The following PXDNL variants were observed in gnomAD, a reference collection of about 807,000 sequenced individuals.
PXDNL encodes the protein probable oxidoreductase PXDNL.
PXDNL carries 145 observed loss-of-function variants against 150.8 expected under a neutral mutation model. The ratio of observed to expected loss-of-function variants is 0.96; its 90% CI spans 0.84 to 1.10. PXDNL has a LOEUF of 1.10. Ranked by LOEUF, PXDNL falls within the 50% of genes least tolerant of loss-of-function variation. The pLI is 0.00. For synonymous variants in PXDNL, 757 were observed against 725.7 expected, an observed-to-expected ratio of 1.04 and a Z score of -0.69; for missense variants, 2,087 against 1,873.9, an observed-to-expected ratio of 1.11 and a Z score of -2.10.
chr8:51,808,001 G>A (rs73590498), intron 1 of PXDNL, among the ~76,000 whole-genome samples: 2,162 of 152,164 alleles, frequency 0.014, 53 homozygotes, highest in African/African-American at 0.049. Context: ...ACAGTAAGAC[G>A]TATTTTGATA....
intron 3 of PXDNL, among the ~76,000 whole-genome samples, chr8:51,579,485 A>G (rs1426809873): frequency 2.0e-5 from 3 of 152,058 alleles, no homozygotes; most frequent in African/African-American, 7.2e-5. Flanking sequence ...TGGATCACAT[A>G]CTGGTGAGAA....
At chr8:51,750,306 C>A (rs1167686903) in intron 1 of PXDNL, among the ~76,000 whole-genome samples, 1 of 152,082 alleles carries the variant, frequency 6.6e-6, no homozygotes, top group Non-Finnish European at 1.5e-5. Context: ...ACATCATATC[C>A]CACTGGAAGG....
At chr8:51,514,042 C>T (rs1811481125) in intron 4 of PXDNL, among the ~76,000 whole-genome samples, 1 of 152,188 alleles carries the variant, frequency 6.6e-6, no homozygotes, top group Non-Finnish European at 1.5e-5. Flanking sequence ...TAGAGGAGGA[C>T]ATTCTGCCAT....
chr8:51,594,568 A>C (rs1313212252), intron 2 of PXDNL, among the ~76,000 whole-genome samples: 2 of 152,230 alleles, frequency 1.3e-5, no homozygotes, highest in African/African-American at 2.4e-5. Context: ...ATTACACTGA[A>C]ATTATGATGT....
intron 1 of PXDNL, among the ~76,000 whole-genome samples, chr8:51,757,899 G>A (rs1394199590): frequency 1.3e-5 from 2 of 151,330 alleles, no homozygotes; most frequent in Admixed American, 6.6e-5. Context: ...CTTATTCTAA[G>A]TGATCTAAAG....
chr8:51,386,335 C>T (rs1029441997), intron 17 of PXDNL, among the ~76,000 whole-genome samples: 3 of 152,090 alleles, frequency 2.0e-5, no homozygotes, highest in Non-Finnish European at 4.4e-5. Flanking sequence ...TCGTGATCCG[C>T]CTGCCTCGGC....
intron 2 of PXDNL, among the ~76,000 whole-genome samples, chr8:51,600,417 C>A (rs866205576): frequency 8.9e-6 from 1 of 112,582 alleles, no homozygotes; most frequent in East Asian, 2.5e-4. Context: ...TAAATTATAT[C>A]GTTTAGATAA....
At chr8:51,662,869 A>G (rs1815304866) in intron 1 of PXDNL, among the ~76,000 whole-genome samples, 1 of 152,218 alleles carries the variant, frequency 6.6e-6, no homozygotes. Context: ...AAACATAAAA[A>G]CTAAGGGGTG....
intron 17 of PXDNL, among the ~76,000 whole-genome samples, chr8:51,405,071 G>A (rs1441502691): frequency 3.3e-5 from 5 of 152,138 alleles, no homozygotes; most frequent in African/African-American, 1.2e-4. Flanking sequence ...TCACTGCCTG[G>A]GGCCGGCAGC....
At chr8:51,356,680 T>G (rs889467166) in intron 19 of PXDNL, among the ~76,000 whole-genome samples, 1 of 152,200 alleles carries the variant, frequency 6.6e-6, no homozygotes, top group African/African-American at 2.4e-5. Context: ...TTTCTCGTTA[T>G]AGTCATTCAT....
At chr8:51,513,185 G>A (rs1383967401) in intron 4 of PXDNL, among the ~76,000 whole-genome samples, 1 of 152,234 alleles carries the variant, frequency 6.6e-6, no homozygotes, top group Non-Finnish European at 1.5e-5. Context: ...GGGTGGGGTG[G>A]AGGAGTCATG....
intron 5 of PXDNL, among the ~76,000 whole-genome samples, chr8:51,487,324 T>A (rs1412299752): frequency 6.6e-6 from 1 of 152,044 alleles, no homozygotes; most frequent in Non-Finnish European, 1.5e-5. Flanking sequence ...AGGTTTAGGT[T>A]AATGTTTCAA....
chr8:51,624,625 T>C (rs1348986134), intron 2 of PXDNL, among the ~76,000 whole-genome samples: 1 of 149,428 alleles, frequency 6.7e-6, no homozygotes, highest in African/African-American at 2.4e-5. Flanking sequence ...TAAAAGTGTT[T>C]AGAGCCTATT....
At chr8:51,368,532 A>T (rs1806988539) in intron 19 of PXDNL, among the ~76,000 whole-genome samples, 1 of 152,212 alleles carries the variant, frequency 6.6e-6, no homozygotes, top group Non-Finnish European at 1.5e-5. Context: ...AAATGAAAAA[A>T]AAAATAGCCC....
At chr8:51,350,649 C>T (rs1352038091) in intron 19 of PXDNL, among the ~76,000 whole-genome samples, 1 of 152,086 alleles carries the variant, frequency 6.6e-6, no homozygotes, top group East Asian at 1.9e-4. Flanking sequence ...GCCATCGCGC[C>T]CAGCCGCAAA....
intron 1 of PXDNL, among the ~76,000 whole-genome samples, chr8:51,807,474 T>A (rs1395882947): frequency 1.3e-5 from 2 of 152,110 alleles, no homozygotes; most frequent in Non-Finnish European, 2.9e-5. Flanking sequence ...CAATTGAACA[T>A]GAGATTTGGG....
At chr8:51,560,115 A>T (rs1265827293) in intron 3 of PXDNL, among the ~76,000 whole-genome samples, 1 of 151,886 alleles carries the variant, frequency 6.6e-6, no homozygotes, top group Non-Finnish European at 1.5e-5. Flanking sequence ...AAGCGGGTTA[A>T]AGACTTCTAC....
rs140857304 is a variant in PXDNL at position 51,688,190 on chromosome 8, C to A, written c.165-33430G>T. Among the ~76,000 whole-genome samples the A allele has an allele frequency of 3.9e-3, 586 of 152,064 alleles. 4 individuals are homozygous for A. The highest frequency in any genetic ancestry group is 0.011 in the African/African-American group (441 of 41,498). ...AGCCACTGCGGCAGATCAGTATGAC[C>A]AGAGGCAATGCCACTGGGTGAGGGG... is the stretch of plus-strand genomic sequence containing the variant. On this transcript the variant is annotated intron_variant, in intron 1 of 22. Coordinates refer to ENST00000356297, the MANE Select transcript of PXDNL (RefSeq NM_144651.5).
intron 1 of PXDNL, among the ~76,000 whole-genome samples, chr8:51,750,379 T>C (rs1246829986): frequency 1.3e-5 from 2 of 152,220 alleles, no homozygotes; most frequent in Admixed American, 6.5e-5. Flanking sequence ...TCCTTCTCGA[T>C]ACCTTCTGAA....
Sources: allele counts gnomAD v4.1 joint callset (sites outside exome capture counted in the v4.1 genomes callset), GRCh38; gene constraint gnomAD v4.1.1; transcripts MANE v1.5; gene names NCBI Gene and HGNC (gene_info 2026-07-23, HGNC 2026-07-21).